Variants in DLEC1 observed in about 807,000 individuals in gnomAD.
DLEC1 encodes deleted in lung and esophageal cancer protein 1.
In DLEC1, 146 loss-of-function variants were observed where a neutral mutation model predicts 198.1. The observed-to-expected ratio is 0.74, with a 90% CI of 0.64 to 0.85. The LOEUF is 0.85. DLEC1 is among the 40% of genes least tolerant of loss of function. DLEC1 has a pLI of 0.00. For missense variants in DLEC1, 2,233 were observed against 2,220.0 expected, an observed-to-expected ratio of 1.01 and a Z score of -0.12; for synonymous variants, 897 against 866.8, an observed-to-expected ratio of 1.03 and a Z score of -0.61.
chr3:38,107,559 T>A, intron 19 of DLEC1, 25 bp from the exon 20 acceptor site: 1 of 1,566,466 alleles, frequency 6.4e-7, no homozygotes, highest in Non-Finnish European at 8.7e-7. Flanking sequence ...CTAATCAGTA[T>A]GCCTTTTGTT....
chr3:38,074,227 C>T (rs946497574), intron 6 of DLEC1, among the ~76,000 whole-genome samples: 2 of 152,250 alleles, frequency 1.3e-5, no homozygotes, highest in African/African-American at 4.8e-5. Flanking sequence ...TGTCTCACAG[C>T]AGAGGCAAGT....
Position 38,122,472 on chromosome 3 carries a change from T to C in DLEC1, c.*60T>C. ...TGGAGAAAAAACATTGCCCAGGGAT[T>C]AGGAGCAGCTCTTCAGCACAAAGAC... On this transcript the variant is annotated 3_prime_UTR_variant, in exon 37 of 37. Coordinates refer to ENST00000308059, the MANE Select transcript of DLEC1 (RefSeq NM_007335.4). 2.5e-6 allele frequency: 4 copies of C among 1,613,590 alleles called. No homozygotes were observed. The highest frequency in any genetic ancestry group is 3.4e-6 in the Non-Finnish European group (4 of 1,179,928).
Position 38,062,780 on chromosome 3 carries a change from A to G in DLEC1, c.1073A>G (p.Gln358Arg). The G allele has an allele frequency of 6.2e-7, 1 of 1,613,916 alleles. No homozygotes were observed. The highest frequency in any genetic ancestry group is 8.5e-7 in the Non-Finnish European group (1 of 1,179,902). ...AAGCCAGCACCGATAGGAGAATTCCAGAGTACAGAGCCAGAACAGAGGTAT... is the reference window on the plus strand; with the variant it reads ...AAGCCAGCACCGATAGGAGAATTCCGGAGTACAGAGCCAGAACAGAGGTAT... Reference protein sequence around the residue: ...PKKPAPIGEFQSTEPEQSCAD... With the variant: ...PKKPAPIGEFRSTEPEQSCAD... Residue 358 changes from glutamine (Q) to arginine (R), a missense_variant, in exon 5 of 37, where the codon CAG becomes CGG. Physicochemically the swap from Gln to Arg is conservative, Grantham distance 43. Transcript: ENST00000308059.
chr3:38,078,350 C>T (rs189357971), intron 6 of DLEC1, among the ~76,000 whole-genome samples: 1 of 152,336 alleles, frequency 6.6e-6, no homozygotes, highest in Admixed American at 6.5e-5. Flanking sequence ...ATTAAAGCAG[C>T]AGCAGCCGCT....
intron 25 of DLEC1, 35 bp from the exon 26 acceptor site, chr3:38,114,307 G>A: frequency 6.2e-7 from 1 of 1,608,060 alleles, no homozygotes; most frequent in Non-Finnish European, 8.5e-7. Context: ...CGCAACCGGT[G>A]ACAGGAGTGA....
chr3:38,119,275 G>A (rs1471706829), intron 33 of DLEC1, among the ~76,000 whole-genome samples: 2 of 152,148 alleles, frequency 1.3e-5, no homozygotes, highest in Non-Finnish European at 2.9e-5. Flanking sequence ...TCTGTCCAAA[G>A]TGAACTCCCC....
intron 3 of DLEC1, among the ~76,000 whole-genome samples, chr3:38,060,500 C>T (rs576083023): frequency 1.3e-5 from 2 of 152,054 alleles, no homozygotes; most frequent in South Asian, 4.2e-4. Context: ...AAGACAAGCT[C>T]TCCCATAGCT....
At chr3:38,084,365 A>AGTAGTAGTGGTGGTG in intron 7 of DLEC1, 120 bp downstream of exon 7, 1 of 780,936 alleles carries the variant, frequency 1.3e-6, no homozygotes, top group Non-Finnish European at 2.0e-6. Flanking sequence ...TGGTGGTAGT[A>AGTAGTAGTGGTGGTG]GTAGTAGTGA....
intron 34 of DLEC1, among the ~76,000 whole-genome samples, chr3:38,120,946 G>A (rs1337820429): frequency 1.3e-5 from 2 of 152,204 alleles, no homozygotes; most frequent in Non-Finnish European, 2.9e-5. Flanking sequence ...CTGATGGGTG[G>A]GACAGAGCAC....
At chr3:38,040,848 A>ATT (rs566659189) in intron 1 of DLEC1, among the ~76,000 whole-genome samples, 10 of 149,544 alleles carry the variant, frequency 6.7e-5, no homozygotes, top group Non-Finnish European at 8.9e-5. Flanking sequence ...CATATTACAA[A>ATT]TTTTTTTTTT....
rs376433122 is a variant in DLEC1, at chr3:38,116,955, G to C, written c.4180-20G>C. ...GCCAGTGGGCATGGGACAGTGCTAA[G>C]GCTGCTGTGTCTATGCCAGGTGGTC... On this transcript the variant is annotated intron_variant, in intron 29 of 36. Transcript: ENST00000308059. The C allele has an allele frequency of 1.9e-6, 3 of 1,613,538 alleles. No homozygotes were observed. Among genetic ancestry groups the C allele is most frequent in the Non-Finnish European group, 2.5e-6 (3 of 1,179,874 alleles).
chr3:38,063,478 A>T (rs1170716802), intron 5 of DLEC1, among the ~76,000 whole-genome samples: 3 of 152,112 alleles, frequency 2.0e-5, no homozygotes, highest in Non-Finnish European at 4.4e-5. Flanking sequence ...AAAATAGAAG[A>T]GAAGAGAAGA....
chr3:38,061,201 C>T (rs1696665735), intron 3 of DLEC1, among the ~76,000 whole-genome samples: 1 of 152,058 alleles, frequency 6.6e-6, no homozygotes, highest in Non-Finnish European at 1.5e-5. Flanking sequence ...TTTCTTGAGA[C>T]AGAGTCTCGC....
In DLEC1 at chr3:38,123,087, C is replaced by G. The variant is rs548611153; in HGVS notation, c.*675C>G. The G allele has an allele frequency of 6.8e-6, 11 of 1,614,214 alleles. No individual in the cohort carries two copies. The African/African-American group carries it at 1.3e-4, about 20-fold the overall frequency. On this transcript the variant is annotated 3_prime_UTR_variant, in exon 37 of 37. Coordinates refer to ENST00000308059, the MANE Select transcript of DLEC1 (RefSeq NM_007335.4). ...TTCAAAGACGGCAGCGGCTCCCATT[C>G]CAGTCCCGATGCACATGGACACCAC...
chr3:38,090,419 TTG>T (rs1263694360), intron 10 of DLEC1, among the ~76,000 whole-genome samples: 1 of 152,240 alleles, frequency 6.6e-6, no homozygotes. Flanking sequence ...GTTCTTTGCC[TTG>T]TGTTTTCTAC....
chr3:38,095,487 G>A (rs368386248), intron 13 of DLEC1: 11 of 302,670 alleles, frequency 3.6e-5, no homozygotes, highest in African/African-American at 6.4e-5. Context: ...AAGGGAATTC[G>A]AGCTGGGCAT....
rs375487035 is a variant in DLEC1 at position 38,084,076 on chromosome 3, CATATT to C, written c.1174-80_1174-76del. ...TTCATTTCTACCTCTACCCCCTTCT[CATATT>C]AGAGTAAATCCTGGACATCGTATCA... On this transcript the variant is annotated intron_variant, in intron 6 of 36. Transcript: ENST00000308059. The C allele has an allele frequency of 1.7e-4, 228 of 1,371,742 alleles. 1 individual carries two copies. The African/African-American group carries it at 2.4e-3, about 14-fold the overall frequency. The allele number at this position is 1,371,742 out of a possible 1,614,324, so 85.0% of individuals were successfully genotyped here. A position where few individuals can be genotyped will look rare whatever the true frequency, so the allele number is the denominator to read the frequency against.
At chr3:38,077,969 T>G (rs1012373786) in intron 6 of DLEC1, among the ~76,000 whole-genome samples, 29 of 152,324 alleles carry the variant, frequency 1.9e-4, no homozygotes, top group African/African-American at 7.0e-4. Flanking sequence ...TGGCTTGTAC[T>G]ATAGCATAGC....
At chr3:38,052,476 C>T (rs1468283621) in intron 2 of DLEC1, 5 of 210,748 alleles carry the variant, frequency 2.4e-5, no homozygotes, top group South Asian at 1.6e-4. Context: ...AAACCAGAAC[C>T]GTAGCCTCTA....
Sources: allele counts gnomAD v4.1 joint callset (sites outside exome capture counted in the v4.1 genomes callset), GRCh38; gene constraint gnomAD v4.1.1; transcripts MANE v1.5; gene names NCBI Gene and HGNC (gene_info 2026-07-23, HGNC 2026-07-21).